Variants in TMEM150C observed in about 807,000 individuals in gnomAD.
TMEM150C encodes tentonin 3.
Under a neutral mutation model 29.9 loss-of-function variants are expected in TMEM150C, and 10 were observed. That is an observed-to-expected ratio of 0.33 (90% CI 0.21 to 0.57). The LOEUF is 0.57. Among genes scored for constraint, TMEM150C ranks in the 20% least tolerant of loss-of-function variants. The pLI is 0.88. For synonymous variants in TMEM150C, 101 were observed against 112.5 expected (o/e 0.90, Z 0.64); for missense variants, 251 against 303.6 (o/e 0.83, Z 1.29).
At position 82,483,413 on chromosome 4, in the gene TMEM150C, T is replaced by A. The variant is rs1376031646; in HGVS notation, c.*2098A>T. On this transcript the variant is annotated 3_prime_UTR_variant, in exon 8 of 8. Transcript: ENST00000449862. ...GAAACCCAAAAGCAGTATTCAAAAC[T>A]AACAAATGTCACCTTGGACTATTTA... 6.6e-6 allele frequency: 1 copy of A among 152,230 alleles called. No individual in the cohort carries two copies. The highest frequency in any genetic ancestry group is 6.5e-5 in the Admixed American group (1 of 15,284). 9.4% of individuals were successfully genotyped at this position (152,230 alleles called of 1,614,324 possible).
At chr4:82,549,749 A>G (rs529300456) in intron 1 of TMEM150C, among the ~76,000 whole-genome samples, 10 of 152,366 alleles carry the variant, frequency 6.6e-5, no homozygotes, top group Non-Finnish European at 1.0e-4. Flanking sequence ...AACTCCGTCA[A>G]CATTTCAGAG....
chr4:82,541,979 A>T (rs145616665), intron 1 of TMEM150C, among the ~76,000 whole-genome samples: 1 of 152,214 alleles, frequency 6.6e-6, no homozygotes, highest in Non-Finnish European at 1.5e-5. Context: ...GTAGAAATAC[A>T]GCTGCCAAGA....
intron 5 of TMEM150C, among the ~76,000 whole-genome samples, chr4:82,499,359 T>G (rs1459764522): frequency 1.3e-5 from 2 of 152,184 alleles, no homozygotes; most frequent in Non-Finnish European, 2.9e-5. Flanking sequence ...CTTCTGTGGT[T>G]TTGGTATTTG....
chr4:82,562,144 C>A (rs1341059846), upstream of TMEM150C: 12 of 1,271,960 alleles, frequency 9.4e-6, no homozygotes, highest in Non-Finnish European at 1.2e-5. Flanking sequence ...GCCACCCCCC[C>A]GGGGCCCCTA....
chr4:82,491,570 C>T (rs1723347813), intron 6 of TMEM150C: 2 of 660,010 alleles, frequency 3.0e-6, no homozygotes, highest in Admixed American at 2.2e-5. Context: ...TCTTGGCCTC[C>T]TGCTTCTTCA....
At chr4:82,493,196 ATTG>A (rs1300304397) in intron 6 of TMEM150C, among the ~76,000 whole-genome samples, 4 of 151,680 alleles carry the variant, frequency 2.6e-5, no homozygotes, top group African/African-American at 9.7e-5. Flanking sequence ...AATTTTTTCT[ATTG>A]TTTTTGGCTG....
chr4:82,499,623 T>C (rs1174354791), intron 5 of TMEM150C, among the ~76,000 whole-genome samples: 1 of 144,592 alleles, frequency 6.9e-6, no homozygotes, highest in Non-Finnish European at 1.5e-5. Context: ...CTCGGGAGGC[T>C]GAGGCAGGAG....
intron 1 of TMEM150C, among the ~76,000 whole-genome samples, chr4:82,561,278 C>T (rs1725914457): frequency 1.3e-5 from 2 of 152,166 alleles, no homozygotes; most frequent in African/African-American, 4.8e-5. Context: ...GGCCTCCCGC[C>T]GAAAAACCAA....
chr4:82,553,343 G>A (rs766038613), intron 1 of TMEM150C, among the ~76,000 whole-genome samples: 20 of 152,188 alleles, frequency 1.3e-4, no homozygotes, highest in African/African-American at 4.6e-4. Context: ...ACTAGAAGCC[G>A]GATGAAACCG....
chr4:82,557,734 CTTTTTTTTTT>C (rs767919077), intron 1 of TMEM150C, among the ~76,000 whole-genome samples: 1 of 131,350 alleles, frequency 7.6e-6, no homozygotes, highest in South Asian at 2.5e-4. Flanking sequence ...TTTTCTTTTT[CTTTTTTTTTT>C]TTTTTTTGAT....
chr4:82,508,429 C>T (rs541870571), intron 1 of TMEM150C, among the ~76,000 whole-genome samples: 16 of 151,984 alleles, frequency 1.1e-4, no homozygotes, highest in South Asian at 6.3e-4. Flanking sequence ...AGGCATGCAC[C>T]GCCACACCTG....
chr4:82,487,825 CT>C (rs1292792313), intron 7 of TMEM150C, among the ~76,000 whole-genome samples: 1 of 152,188 alleles, frequency 6.6e-6, no homozygotes, highest in Admixed American at 6.5e-5. Context: ...CTTTCCCCCC[CT>C]CATCTTAGGG....
At chr4:82,525,706 C>T (rs1261228124) in intron 1 of TMEM150C, among the ~76,000 whole-genome samples, 2 of 152,074 alleles carry the variant, frequency 1.3e-5, no homozygotes, top group African/African-American at 4.8e-5. Flanking sequence ...TTCTGAGCCC[C>T]CACAAGACAA....
intron 1 of TMEM150C, among the ~76,000 whole-genome samples, chr4:82,505,472 TA>T (rs913747262): frequency 2.0e-5 from 3 of 152,244 alleles, no homozygotes; most frequent in Non-Finnish European, 4.4e-5. Context: ...TACTTCAACC[TA>T]CTTTTAGTAC....
intron 1 of TMEM150C, among the ~76,000 whole-genome samples, chr4:82,511,550 C>T (rs1280981950): frequency 4.3e-5 from 6 of 139,910 alleles, no homozygotes; most frequent in Admixed American, 7.7e-5. Context: ...TCATGGCTCA[C>T]TGCAGACTCA....
intron 6 of TMEM150C, among the ~76,000 whole-genome samples, chr4:82,493,587 A>T (rs1723442346): frequency 6.6e-6 from 1 of 152,206 alleles, no homozygotes; most frequent in South Asian, 2.1e-4. Context: ...AAAGCCACCC[A>T]ATCTTGGGGA....
At chr4:82,498,089 C>T (rs1374156749) in intron 5 of TMEM150C, among the ~76,000 whole-genome samples, 13 of 151,760 alleles carry the variant, frequency 8.6e-5, no homozygotes, top group Admixed American at 7.9e-4. Flanking sequence ...ATCTCAGCTC[C>T]CTGAAACCTC....
intron 1 of TMEM150C, among the ~76,000 whole-genome samples, chr4:82,542,023 C>T (rs1391854295): frequency 2.0e-5 from 3 of 152,120 alleles, no homozygotes; most frequent in Non-Finnish European, 2.9e-5. Context: ...TTTACTTACA[C>T]GTACAAAACA....
chr4:82,535,270 T>C (rs1276482196), intron 1 of TMEM150C, among the ~76,000 whole-genome samples: 1 of 152,142 alleles, frequency 6.6e-6, no homozygotes, highest in African/African-American at 2.4e-5. Flanking sequence ...GGAAAGAATA[T>C]GGCAGAAGGT....
Sources: allele counts gnomAD v4.1 joint callset (sites outside exome capture counted in the v4.1 genomes callset), GRCh38; gene constraint gnomAD v4.1.1; transcripts MANE v1.5; gene names NCBI Gene and HGNC (gene_info 2026-07-23, HGNC 2026-07-21).